The following STXBP5L variants were observed in gnomAD, a reference collection of about 807,000 sequenced individuals.
The protein encoded by STXBP5L is syntaxin binding protein 5L, also known as syntaxin-binding protein 5-like.
In STXBP5L, 65 loss-of-function variants were observed where a neutral mutation model predicts 144.5. The observed-to-expected ratio is 0.45, with a 90% CI of 0.37 to 0.55. STXBP5L has a LOEUF of 0.55. Ranked by LOEUF, STXBP5L falls within the 20% of genes least tolerant of loss-of-function variation. The pLI is 0.00. For missense variants in STXBP5L, 1,298 were observed against 1,405.5 expected, an observed-to-expected ratio of 0.92 and a Z score of 1.22; for synonymous variants, 505 against 469.6, an observed-to-expected ratio of 1.08 and a Z score of -0.97.
intron 5 of STXBP5L, among the ~76,000 whole-genome samples, chr3:121,058,271 C>T (rs946594825): frequency 6.6e-6 from 1 of 152,130 alleles, no homozygotes; most frequent in Non-Finnish European, 1.5e-5. Flanking sequence ...TCGTGGTTTC[C>T]AGCTTCATCC....
intron 20 of STXBP5L, among the ~76,000 whole-genome samples, chr3:121,338,713 G>T (rs547801778): frequency 6.7e-6 from 1 of 150,366 alleles, no homozygotes; most frequent in African/African-American, 2.4e-5. Flanking sequence ...GAAAATGGAG[G>T]CATTACAGCT....
At chr3:121,171,386 G>A (rs778184848) in intron 9 of STXBP5L, among the ~76,000 whole-genome samples, 2 of 152,102 alleles carry the variant, frequency 1.3e-5, no homozygotes, top group Non-Finnish European at 2.9e-5. Flanking sequence ...GAAATAAAGG[G>A]TATTCAAATA....
chr3:121,006,340 T>G (rs1438823644), intron 3 of STXBP5L, among the ~76,000 whole-genome samples: 2 of 152,166 alleles, frequency 1.3e-5, no homozygotes, highest in African/African-American at 4.8e-5. Context: ...CTTTGTTGGT[T>G]TAAAGTCTGT....
intron 9 of STXBP5L, among the ~76,000 whole-genome samples, chr3:121,180,905 G>C (rs578025336): frequency 6.0e-5 from 9 of 149,122 alleles, no homozygotes; most frequent in African/African-American, 2.0e-4. Context: ...CAAGAGAAGA[G>C]AAGAGAAAAG....
intron 20 of STXBP5L, among the ~76,000 whole-genome samples, chr3:121,329,517 T>A (rs2044254740): frequency 6.6e-6 from 1 of 152,232 alleles, no homozygotes; most frequent in South Asian, 2.1e-4. Context: ...AGAATTTTTT[T>A]ATACTTTTGG....
In STXBP5L at chr3:121,239,051, C is replaced by T; in HGVS notation, c.1265C>T (p.Pro422Leu). Residue 422 changes from proline (P) to leucine (L), a missense_variant, in exon 13 of 27, where the codon CCT becomes CTT. Physicochemically the swap from Pro to Leu is moderately conservative, Grantham distance 98. Coordinates refer to ENST00000471454, the MANE Select transcript of STXBP5L (RefSeq NM_001308330.2). ...VTCTAYFADCPPDLILVLYSI... is the reference protein window; with the variant it reads ...VTCTAYFADCLPDLILVLYSI... The stretch of plus-strand genomic sequence containing the variant: ...TGCACAGCATACTTTGCAGATTGTC[C>T]TCCGGATTTGATTCTAGTACTGTAT... 1 of 1,609,348 alleles carries T rather than the reference C, an allele frequency of 6.2e-7. No homozygotes were observed.
chr3:121,052,184 C>G (rs549981506), intron 5 of STXBP5L, among the ~76,000 whole-genome samples: 2 of 152,300 alleles, frequency 1.3e-5, no homozygotes, highest in East Asian at 3.9e-4. Context: ...CCTTCTGAAA[C>G]TATTCCAATC....
intron 25 of STXBP5L, among the ~76,000 whole-genome samples, chr3:121,417,137 G>A (rs1432372084): frequency 6.6e-6 from 1 of 152,152 alleles, no homozygotes; most frequent in East Asian, 1.9e-4. Context: ...AAGACTGAAA[G>A]TAGATTAATG....
At chr3:121,132,441 A>G (rs1048624825) in intron 7 of STXBP5L, among the ~76,000 whole-genome samples, 28 of 152,184 alleles carry the variant, frequency 1.8e-4, no homozygotes, top group African/African-American at 6.5e-4. Context: ...GTGAGAAGAT[A>G]AAGACCACAG....
chr3:121,093,320 T>A (rs2042925743), intron 5 of STXBP5L, among the ~76,000 whole-genome samples: 1 of 152,152 alleles, frequency 6.6e-6, no homozygotes, highest in African/African-American at 2.4e-5. Flanking sequence ...TCTTTTTCTA[T>A]TGATTGGAAT....
intron 5 of STXBP5L, among the ~76,000 whole-genome samples, chr3:121,075,844 C>T (rs2041997117): frequency 6.6e-6 from 1 of 152,210 alleles, no homozygotes; most frequent in African/African-American, 2.4e-5. Context: ...TGCATACTGC[C>T]TGATATCTCC....
At chr3:121,074,729 A>G (rs541454019) in intron 5 of STXBP5L, among the ~76,000 whole-genome samples, 11 of 152,250 alleles carry the variant, frequency 7.2e-5, no homozygotes, top group African/African-American at 2.6e-4. Flanking sequence ...GGTCATTATC[A>G]TGCCTTTTCT....
intron 20 of STXBP5L, among the ~76,000 whole-genome samples, chr3:121,337,240 G>T (rs917033588): frequency 1.6e-4 from 24 of 151,890 alleles, no homozygotes; most frequent in African/African-American, 5.1e-4. Flanking sequence ...ATACACCTGA[G>T]CTTAAAATAA....
intron 5 of STXBP5L, among the ~76,000 whole-genome samples, chr3:121,096,033 A>T (rs1009847962): frequency 6.6e-6 from 1 of 151,576 alleles, no homozygotes; most frequent in Non-Finnish European, 1.5e-5. Flanking sequence ...CAATTCCCTG[A>T]CCCCTTGTGC....
Position 121,279,811 on chromosome 3 carries a change from A to C in STXBP5L, c.1965A>C (p.Ala655=). Residue 655 remains alanine (A), a synonymous_variant, in exon 19 of 27, where the codon GCA becomes GCC. Transcript: ENST00000471454. ...LAVSSAYGIV[A]FGNCNGLAVV... is the part of the protein sequence containing the mutation. ...TATTTTTTTTCTCTCTTAGAGTTGC[A>C]TTTGGGAACTGCAATGGGTTGGCTG... is the stretch of plus-strand genomic sequence containing the variant. 6.2e-7 allele frequency: 1 copy of C among 1,611,880 alleles called. No homozygotes were observed. Among genetic ancestry groups the C allele is most frequent in the Non-Finnish European group, 8.5e-7 (1 of 1,178,544 alleles).
At chr3:121,086,560 A>T (rs553353258) in intron 5 of STXBP5L, among the ~76,000 whole-genome samples, 1 of 152,116 alleles carries the variant, frequency 6.6e-6, no homozygotes, top group African/African-American at 2.4e-5. Context: ...CCTAGGAGCA[A>T]TAGGCTATAC....
chr3:121,374,051 T>G (rs2046111962), intron 20 of STXBP5L, among the ~76,000 whole-genome samples: 1 of 152,086 alleles, frequency 6.6e-6, no homozygotes, highest in Non-Finnish European at 1.5e-5. Flanking sequence ...AGAACTGGCC[T>G]ACTGCCATCA....
chr3:121,034,572 CCAT>C (rs1370673363), intron 3 of STXBP5L, among the ~76,000 whole-genome samples: 1 of 151,918 alleles, frequency 6.6e-6, no homozygotes, highest in Non-Finnish European at 1.5e-5. Context: ...ATCCATCCAT[CCAT>C]CTATCTATGT....
At chr3:120,923,859 C>G (rs776921967) in intron 2 of STXBP5L, among the ~76,000 whole-genome samples, 26 of 151,786 alleles carry the variant, frequency 1.7e-4, no homozygotes, top group African/African-American at 5.8e-4. Flanking sequence ...CCTATTTGGT[C>G]TAGTGTGTAG....
Sources: allele counts gnomAD v4.1 joint callset (sites outside exome capture counted in the v4.1 genomes callset), GRCh38; gene constraint gnomAD v4.1.1; transcripts MANE v1.5; gene names NCBI Gene and HGNC (gene_info 2026-07-23, HGNC 2026-07-21).